The following USP2 variants were observed in gnomAD, a reference collection of about 807,000 sequenced individuals.
USP2 encodes ubiquitin specific peptidase 2, also known as ubiquitin carboxyl-terminal hydrolase 2.
In USP2, 33 loss-of-function variants were observed where a neutral mutation model predicts 72.0. That is an observed-to-expected ratio of 0.46 (90% confidence interval 0.35 to 0.61). USP2 has a LOEUF of 0.61. Ranked by LOEUF, USP2 falls within the 20% of genes least tolerant of loss-of-function variation. USP2 has a pLI of 0.01. For missense variants in USP2, 691 were observed against 797.8 expected (o/e 0.87, Z 1.61); for synonymous variants, 296 against 312.5 (o/e 0.95, Z 0.56).
intron 2 of USP2, among the ~76,000 whole-genome samples, chr11:119,361,638 G>A (rs1331305951): frequency 6.6e-5 from 10 of 152,002 alleles, no homozygotes; most frequent in Non-Finnish European, 1.0e-4. Context: ...TGGGGGAGGA[G>A]CAGGCTGAAG....
chr11:119,358,434 G>A (rs540275098), intron 7 of USP2, among the ~76,000 whole-genome samples, 182 bp from the exon 8 acceptor site: 6 of 152,200 alleles, frequency 3.9e-5, no homozygotes, highest in Non-Finnish European at 7.4e-5. Context: ...TCCTGCCTCA[G>A]CCTCCCAAGT....
At chr11:119,362,000 T>G (rs1395062396) in intron 2 of USP2, among the ~76,000 whole-genome samples, 1 of 152,206 alleles carries the variant, frequency 6.6e-6, no homozygotes, top group Non-Finnish European at 1.5e-5. Context: ...CACTCGGAAC[T>G]AAATGTTAAA....
At chr11:119,376,270 A>T in intron 1 of USP2, 15 of 985,618 alleles carry the variant, frequency 1.5e-5, no homozygotes, top group Non-Finnish European at 1.7e-5. Context: ...TGGGCAGGAG[A>T]GCGGGCTGGG....
At chr11:119,376,245 C>T in intron 1 of USP2, 1 of 985,744 alleles carries the variant, frequency 1.0e-6, no homozygotes, top group South Asian at 4.7e-5. Flanking sequence ...TCCCTGGAGG[C>T]CACAGAATGC....
intron 7 of USP2, 138 bp downstream of exon 7, chr11:119,358,635 T>C: frequency 9.4e-7 from 1 of 1,067,614 alleles, no homozygotes; most frequent in Admixed American, 1.8e-5. Context: ...TCTTCTTTCT[T>C]GCTGTTCCTG....
At chr11:119,374,826 A>G (rs1950979082) in intron 1 of USP2, among the ~76,000 whole-genome samples, 1 of 152,182 alleles carries the variant, frequency 6.6e-6, no homozygotes. Context: ...GTGATGGACT[A>G]GCTGGGTGAT....
At chr11:119,363,830 C>T in intron 2 of USP2, 1 of 1,385,826 alleles carries the variant, frequency 7.2e-7, no homozygotes, top group Non-Finnish European at 9.4e-7. Flanking sequence ...GCGGGGGTCC[C>T]GGAAAAGGGC....
Position 119,356,602 on chromosome 11 carries a change from G to C in USP2, c.*233C>G, listed in dbSNP as rs949915884. ...ACAAATGCAAACGCCGAGGGCACGG[G>C]GCGATGCTGGCTCCACGTCCAGGCG... On this transcript the variant is annotated 3_prime_UTR_variant, in exon 13 of 13. Coordinates refer to ENST00000260187, the MANE Select transcript of USP2 (RefSeq NM_004205.5). 5.5e-6 allele frequency: 3 copies of C among 542,846 alleles called. No individual in the cohort carries two copies. In the African/African-American group the frequency reaches 5.9e-5, roughly 11 times the overall value. The allele number at this position is 542,846 out of a possible 1,614,324, so 33.6% of individuals were successfully genotyped here.
In USP2 at chr11:119,357,267, G is replaced by T; in HGVS notation, c.1650C>A (p.Ser550=). Residue 550 remains serine, a synonymous_variant, in exon 12 of 13, where the codon TCC becomes TCA. Transcript: ENST00000260187. ...VYNLYAVSNH[S]GTTMGGHYTA... ...TATAGTGGCCACCCATGGTGGTTCC[G>T]GAGTGATTGGACACAGCGTACAGGT... is the stretch of plus-strand genomic sequence containing the variant. 1.2e-6 allele frequency: 2 copies of T among 1,613,644 alleles called. No homozygotes were observed. Among genetic ancestry groups the T allele is most frequent in the Non-Finnish European group, 1.7e-6 (2 of 1,179,956 alleles).
In USP2 at chr11:119,373,482, C is replaced by A; in HGVS notation, c.-2G>T. On this transcript the variant is annotated 5_prime_UTR_variant, in exon 2 of 13. It adds an upstream start codon to the 5' untranslated region. Transcript: ENST00000260187. ...CAGGGTGGAGGAGAGCTGGGACATC[C>A]TTCAGGGTGGCACTCAGTGGGGACT... 1 of 1,571,680 alleles carries A rather than the reference C, an allele frequency of 6.4e-7. No individual in the cohort carries two copies.
In USP2 at chr11:119,373,549, A is replaced by G. The variant is rs149047828; in HGVS notation, c.-41-28T>C. The G allele has an allele frequency of 4.8e-5, 72 of 1,486,076 alleles. No homozygotes were observed. In the African/African-American group the frequency reaches 9.2e-4, roughly 19 times the overall value. 92.1% of individuals were successfully genotyped at this position (1,486,076 alleles called of 1,614,324 possible). On this transcript the variant is annotated intron_variant, in intron 1 of 12. Transcript: ENST00000260187. ...GAAAGACAAGGAGTGTAGTTGTCAGAGGGCCCTGCCAGGTGTCGGGCTCCC... is the reference window on the plus strand; with the variant it reads ...GAAAGACAAGGAGTGTAGTTGTCAGGGGGCCCTGCCAGGTGTCGGGCTCCC...
rs1344062686 is a variant in USP2 at position 119,355,731 on chromosome 11, G to A, written c.*1104C>T. The A allele has an allele frequency of 6.6e-6, 1 of 152,332 alleles. No individual in the cohort carries two copies. Among genetic ancestry groups the A allele is most frequent in the Non-Finnish European group, 1.5e-5 (1 of 68,168 alleles). The allele number at this position is 152,332 out of a possible 1,614,324, so 9.4% of individuals were successfully genotyped here. On this transcript the variant is annotated 3_prime_UTR_variant, in exon 13 of 13. Transcript: ENST00000260187. Reference sequence around the variant, plus strand: ...AGGGATGTTAAGAGAATAAATAAAAGGGAGAGAAGCTCTAGGGACGAGGGG... The same window carrying A: ...AGGGATGTTAAGAGAATAAATAAAAAGGAGAGAAGCTCTAGGGACGAGGGG...
chr11:119,359,912 G>A (rs182460566), intron 3 of USP2, among the ~76,000 whole-genome samples: 3 of 152,252 alleles, frequency 2.0e-5, no homozygotes, highest in Admixed American at 2.0e-4. Context: ...GGACAGAAGT[G>A]TGTGGGAAGT....
At position 119,356,885 on chromosome 11, in the gene USP2, C is replaced by T. The variant is rs773287992; in HGVS notation, c.1768G>A (p.Asp590Asn). ...PMSSSQVRTS[D>N]AYLLFYELAS... is the part of the protein sequence containing the mutation. ...AGTTCGTAGAAGAGCAGGTAGGCGT[C>T]GCTGGTGCGCACTTGGCTGGAGGAC... The change falls in exon 13 of 13, where the codon GAC becomes AAC. Residue 590 changes from aspartate to asparagine, a missense_variant. Transcript: ENST00000260187. 4.0e-5 allele frequency: 62 copies of T among 1,564,942 alleles called. No individual in the cohort carries two copies. The highest frequency in any genetic ancestry group is 5.0e-5 in the Non-Finnish European group (58 of 1,155,146).
chr11:119,366,706 G>A (rs1028183420), intron 2 of USP2, among the ~76,000 whole-genome samples: 1 of 152,208 alleles, frequency 6.6e-6, no homozygotes, highest in Non-Finnish European at 1.5e-5. Context: ...GCCTCAGAGG[G>A]TGGGGTGTGA....
At chr11:119,366,515 G>A (rs2135399488) in intron 2 of USP2, among the ~76,000 whole-genome samples, 1 of 152,222 alleles carries the variant, frequency 6.6e-6, no homozygotes, top group African/African-American at 2.4e-5. Context: ...TGCTTTATAA[G>A]TGTTTCAAAG....
intron 2 of USP2, among the ~76,000 whole-genome samples, chr11:119,364,700 C>A (rs564925400): frequency 1.5e-4 from 23 of 152,304 alleles, no homozygotes; most frequent in Middle Eastern, 6.8e-3. Flanking sequence ...CAAACTCATG[C>A]AGTCTGTGGA....
At chr11:119,357,898 C>T (rs1950695224) in intron 9 of USP2, 63 bp from the exon 10 acceptor site, 3 of 1,609,690 alleles carry the variant, frequency 1.9e-6, no homozygotes, top group East Asian at 4.5e-5. Flanking sequence ...TCCAGTCACT[C>T]CTCAACTGGA....
chr11:119,363,905 G>C, intron 2 of USP2: 6 of 1,366,338 alleles, frequency 4.4e-6, no homozygotes, highest in Non-Finnish European at 5.7e-6. Flanking sequence ...GACGGGGAGA[G>C]AGGGGAGCGC....
Sources: gnomAD v4.1 joint callset for allele counts (sites outside exome capture counted in the v4.1 genomes callset) on GRCh38, gnomAD v4.1.1 for gene constraint, MANE v1.5 for transcripts, NCBI Gene and HGNC (gene_info 2026-07-23, HGNC 2026-07-21) for gene names.